Variants in DCLK1 observed in about 807,000 individuals in gnomAD.
DCLK1 encodes the protein doublecortin like kinase 1.
Under a neutral mutation model 86.2 loss-of-function variants are expected in DCLK1, and 16 were observed. The ratio of observed to expected loss-of-function variants is 0.19; its 90% CI spans 0.13 to 0.28. The LOEUF (loss-of-function observed/expected upper bound fraction) is 0.28. Among genes scored for constraint, DCLK1 ranks in the 10% least tolerant of loss-of-function variants. DCLK1 has a pLI of 1.00. For synonymous variants in DCLK1, 369 were observed against 370.5 expected, an observed-to-expected ratio of 1.00 and a Z score of 0.05; for missense variants, 590 against 940.2, an observed-to-expected ratio of 0.63 and a Z score of 4.87.
intron 3 of DCLK1, among the ~76,000 whole-genome samples, chr13:36,026,284 T>C (rs1467060797): frequency 6.6e-6 from 1 of 152,186 alleles, no homozygotes; most frequent in Non-Finnish European, 1.5e-5. Context: ...TATTGAAAGA[T>C]GGCCATGCAA....
intron 4 of DCLK1, among the ~76,000 whole-genome samples, chr13:35,944,767 T>C (rs1378136519): frequency 1.3e-5 from 2 of 152,150 alleles, no homozygotes; most frequent in East Asian, 3.9e-4. Flanking sequence ...AGCTAAGTAG[T>C]TTGAAGTGGT....
chr13:35,895,854 T>G (rs1873938370), intron 4 of DCLK1, among the ~76,000 whole-genome samples: 1 of 152,110 alleles, frequency 6.6e-6, no homozygotes, highest in Admixed American at 6.6e-5. Flanking sequence ...GAATAAATTT[T>G]TAATAGAAAA....
At chr13:36,028,183 T>TA (rs1310933822) in intron 3 of DCLK1, among the ~76,000 whole-genome samples, 3 of 152,218 alleles carry the variant, frequency 2.0e-5, no homozygotes, top group South Asian at 2.1e-4. Context: ...CTACTGACTA[T>TA]AAAAAATAGC....
intron 5 of DCLK1, among the ~76,000 whole-genome samples, chr13:35,859,558 G>A (rs746463634): frequency 6.6e-6 from 1 of 152,122 alleles, no homozygotes; most frequent in Non-Finnish European, 1.5e-5. Context: ...ACCTAAGCCT[G>A]TCAGGGATCC....
intron 8 of DCLK1, 69 bp downstream of exon 8, chr13:35,835,964 G>A: frequency 8.7e-7 from 1 of 1,147,798 alleles, no homozygotes; most frequent in Admixed American, 2.2e-5. Context: ...TGGAAATAGA[G>A]ACACAATCTT....
intron 3 of DCLK1, among the ~76,000 whole-genome samples, chr13:35,994,084 A>C (rs1479634632): frequency 6.9e-6 from 1 of 145,872 alleles, no homozygotes; most frequent in Non-Finnish European, 1.5e-5. Context: ...AAAAAAGAAA[A>C]GGGGAAAAGT....
intron 2 of DCLK1, among the ~76,000 whole-genome samples, chr13:36,119,680 T>A (rs1271822184): frequency 6.6e-6 from 1 of 152,154 alleles, no homozygotes; most frequent in Non-Finnish European, 1.5e-5. Context: ...TGGGACATTC[T>A]ACAAGATAAC....
chr13:36,041,010 T>G (rs1882684111), intron 3 of DCLK1, among the ~76,000 whole-genome samples: 4 of 152,126 alleles, frequency 2.6e-5, no homozygotes, highest in Admixed American at 2.0e-4. Flanking sequence ...GTATATTTCC[T>G]TCCCTAGTCC....
chr13:35,909,770 T>C (rs1330215523), intron 4 of DCLK1, among the ~76,000 whole-genome samples: 3 of 151,930 alleles, frequency 2.0e-5, no homozygotes, highest in Non-Finnish European at 4.4e-5. Context: ...CAAGGAGGCA[T>C]TTTCAACGAG....
intron 4 of DCLK1, among the ~76,000 whole-genome samples, chr13:35,920,577 T>C (rs900264352): frequency 2.6e-5 from 4 of 152,042 alleles, no homozygotes; most frequent in Non-Finnish European, 5.9e-5. Context: ...AGGAAACCAA[T>C]GAGTGTTACG....
intron 4 of DCLK1, among the ~76,000 whole-genome samples, chr13:35,899,475 GAACT>G (rs1487476437): frequency 1.3e-5 from 2 of 151,970 alleles, no homozygotes; most frequent in Non-Finnish European, 1.5e-5. Context: ...AAGAACTAGA[GAACT>G]AACTAAGCAA....
Position 35,769,972 on chromosome 13 carries a change from T to C in DCLK1, c.*4563A>G. The C allele has an allele frequency of 6.6e-6, 1 of 152,180 alleles. No homozygotes were observed. The highest frequency in any genetic ancestry group is 1.9e-4 in the East Asian group (1 of 5,184). 9.4% of individuals were successfully genotyped at this position (152,180 alleles called of 1,614,324 possible). On this transcript the variant is annotated 3_prime_UTR_variant, in exon 17 of 17. Coordinates refer to ENST00000360631, the MANE Select transcript of DCLK1 (RefSeq NM_001330071.2). The stretch of plus-strand genomic sequence containing the variant: ...TGATCACAGAAATGATGCTCAGTGT[T>C]GAAACCCAACAATAAACAAACAAAC...
At chr13:36,031,325 AC>A (rs67261456) in intron 3 of DCLK1, among the ~76,000 whole-genome samples, 128,030 of 148,760 alleles carry the variant, frequency 0.86, 55,846 homozygotes, top group Non-Finnish European at 0.95. Flanking sequence ...TATCAACCAC[AC>A]ACACACAAAA....
chr13:35,836,209 TA>T, intron 7 of DCLK1, 68 bp from the exon 8 acceptor site: 1 of 1,314,854 alleles, frequency 7.6e-7, no homozygotes, highest in South Asian at 1.3e-5. Context: ...AGGAAACATT[TA>T]AAAGTATCAT....
chr13:36,037,893 C>G (rs1363695211), intron 3 of DCLK1, among the ~76,000 whole-genome samples: 1 of 151,490 alleles, frequency 6.6e-6, no homozygotes, highest in African/African-American at 2.4e-5. Flanking sequence ...AAATCTAATC[C>G]CCTACTGTAA....
chr13:35,913,120 T>C (rs1875146813), intron 4 of DCLK1, among the ~76,000 whole-genome samples: 1 of 152,176 alleles, frequency 6.6e-6, no homozygotes, highest in Non-Finnish European at 1.5e-5. Flanking sequence ...TCCAGGGCAG[T>C]GTCTTGTACC....
rs182777584 is a variant in DCLK1, at chr13:35,851,027, C to T, written c.1035+3472G>A. Reference sequence around the variant, plus strand: ...ATAATCTTTTGCCTTCCTTGATGCCCGTTGAGTTGCATGGCCCCTGAGGTC... The same window carrying T: ...ATAATCTTTTGCCTTCCTTGATGCCTGTTGAGTTGCATGGCCCCTGAGGTC... On this transcript the variant is annotated intron_variant, in intron 6 of 16. Coordinates refer to ENST00000360631, the MANE Select transcript of DCLK1 (RefSeq NM_001330071.2). 4.5e-4 allele frequency among the ~76,000 whole-genome samples: 68 copies of T among 152,294 alleles called. No homozygotes were observed. The East Asian group carries it at 9.3e-3, about 21-fold the overall frequency.
intron 11 of DCLK1, among the ~76,000 whole-genome samples, chr13:35,814,386 T>C (rs1220306387): frequency 2.0e-5 from 3 of 152,224 alleles, no homozygotes; most frequent in Non-Finnish European, 4.4e-5. Flanking sequence ...GAAAGGCTTC[T>C]AACAAGTTCA....
intron 4 of DCLK1, among the ~76,000 whole-genome samples, chr13:35,882,366 T>C (rs9545602): frequency 0.46 from 69,870 of 152,086 alleles, 16,227 homozygotes; most frequent in African/African-American, 0.52. Context: ...ATTAAACCTG[T>C]AGAGACCTTT....
Sources: allele counts gnomAD v4.1 joint callset (sites outside exome capture counted in the v4.1 genomes callset), GRCh38; gene constraint gnomAD v4.1.1; transcripts MANE v1.5; gene names NCBI Gene and HGNC (gene_info 2026-07-23, HGNC 2026-07-21).